FIRRM: variants seen among roughly 807,000 people sequenced by gnomAD.
The protein encoded by FIRRM is FIGNL1-interacting regulator of recombination and mitosis.
At chr1:169,843,708 G>A in the FIRRM span, 5 of 1,613,190 alleles carry the variant, frequency 3.1e-6, no homozygotes, top group Admixed American at 5.0e-5. Context: ...CAGACATTCA[G>A]CCTTTTACTT....
At chr1:169,788,584 C>A in the FIRRM span, among the ~76,000 whole-genome samples, 1 of 152,176 alleles carries the variant, frequency 6.6e-6, no homozygotes. Context: ...GGACTTTCAA[C>A]TGCAGGGGGG....
chr1:169,813,694 C>T, the FIRRM span, among the ~76,000 whole-genome samples: 6 of 152,132 alleles, frequency 3.9e-5, no homozygotes, highest in South Asian at 4.1e-4. Context: ...AGAAGGTTAG[C>T]GGTCTTATAA....
At chr1:169,843,108 A>G in the FIRRM span, among the ~76,000 whole-genome samples, 1 of 152,242 alleles carries the variant, frequency 6.6e-6, no homozygotes, top group African/African-American at 2.4e-5. Flanking sequence ...TGGCAGCTAG[A>G]GGAAGCTAAA....
At chr1:169,852,128 T>C in the FIRRM span, 3 of 686,988 alleles carry the variant, frequency 4.4e-6, no homozygotes, top group Admixed American at 2.7e-5. Flanking sequence ...ATATCAAATA[T>C]ATTCTTTCAG....
At chr1:169,851,955 A>C in the FIRRM span, 2 of 1,613,958 alleles carry the variant, frequency 1.2e-6, no homozygotes, top group Non-Finnish European at 1.7e-6. Flanking sequence ...TGATTTCAAT[A>C]GGGGCCAAAC....
the FIRRM span, chr1:169,804,255 C>T: frequency 6.9e-7 from 1 of 1,454,024 alleles, no homozygotes. Context: ...GTGAAGAAAA[C>T]TTTCTGCTTA....
At chr1:169,793,039 G>A in the FIRRM span, 1,550 of 1,614,114 alleles carry the variant, frequency 9.6e-4, 16 homozygotes, top group African/African-American at 0.018. Context: ...TCACCATACT[G>A]TTATAATCTT....
At chr1:169,795,253 G>A in the FIRRM span, 2 of 1,524,320 alleles carry the variant, frequency 1.3e-6, no homozygotes, top group Non-Finnish European at 1.8e-6. Flanking sequence ...AGAGAAGGGT[G>A]TGGGCGGGTC....
At chr1:169,800,180 C>T in the FIRRM span, among the ~76,000 whole-genome samples, 3 of 152,114 alleles carry the variant, frequency 2.0e-5, no homozygotes, top group African/African-American at 2.4e-5. Context: ...ACCGCAGGTG[C>T]GTGCTACCAT....
the FIRRM span, chr1:169,795,201 G>T: frequency 1.2e-4 from 190 of 1,536,048 alleles, no homozygotes; most frequent in South Asian, 2.1e-3. Flanking sequence ...CGTCCGTCCT[G>T]CCCCGACTCC....
At chr1:169,835,951 C>G in the FIRRM span, among the ~76,000 whole-genome samples, 1 of 151,972 alleles carries the variant, frequency 6.6e-6, no homozygotes, top group East Asian at 1.9e-4. Flanking sequence ...CAGATAGCCA[C>G]ATGATTTCTA....
chr1:169,802,682 G>A, the FIRRM span: 1 of 1,613,126 alleles, frequency 6.2e-7, no homozygotes, highest in African/African-American at 1.3e-5. Context: ...GGACTGTCAA[G>A]CCAAAATTTG....
the FIRRM span, chr1:169,853,966 G>T: frequency 3.1e-6 from 2 of 649,656 alleles, no homozygotes; most frequent in Non-Finnish European, 5.1e-6. Flanking sequence ...CTGGAAAATA[G>T]CTTTTCAAAA....
At chr1:169,821,113 C>T in the FIRRM span, among the ~76,000 whole-genome samples, 6 of 152,154 alleles carry the variant, frequency 3.9e-5, no homozygotes, top group African/African-American at 1.4e-4. Flanking sequence ...TGCTTGTTAA[C>T]TTACTTCCTT....
the FIRRM span, chr1:169,795,246 G>C: frequency 6.5e-7 from 1 of 1,530,174 alleles, no homozygotes; most frequent in Non-Finnish European, 8.8e-7. Context: ...TCTACCTAGA[G>C]AAGGGTGTGG....
chr1:169,792,535 G>A, the FIRRM span: 7 of 1,431,036 alleles, frequency 4.9e-6, no homozygotes, highest in African/African-American at 5.8e-5. Flanking sequence ...CAAATTTTTG[G>A]TCCTTCTGTT....
the FIRRM span, among the ~76,000 whole-genome samples, chr1:169,817,163 A>G: frequency 4.1e-3 from 623 of 152,298 alleles, 5 homozygotes; most frequent in African/African-American, 0.013. Flanking sequence ...AGTTCAGTCC[A>G]TGTAGTTAAT....
chr1:169,809,574 G>A, the FIRRM span, among the ~76,000 whole-genome samples: 1 of 152,136 alleles, frequency 6.6e-6, no homozygotes, highest in South Asian at 2.1e-4. Context: ...GAGAGTATGG[G>A]GGCTGCTTAG....
the FIRRM span, chr1:169,830,143 A>G: frequency 1.3e-6 from 1 of 799,538 alleles, no homozygotes. Flanking sequence ...TCCCCCATTG[A>G]GGATCTGTTA....
Sources: allele counts gnomAD v4.1 joint callset (sites outside exome capture counted in the v4.1 genomes callset), GRCh38; gene constraint gnomAD v4.1.1; transcripts MANE v1.5; gene names NCBI Gene and HGNC (gene_info 2026-07-23, HGNC 2026-07-21).